Variants in FOXM1 observed in about 807,000 individuals in gnomAD.
FOXM1 encodes the protein forkhead box M1.
A neutral mutation model predicts 63.6 loss-of-function variants in FOXM1; 25 were observed. That is an observed-to-expected ratio of 0.39 (90% CI 0.29 to 0.55). The LOEUF is 0.55. Among genes scored for constraint, FOXM1 ranks in the 20% least tolerant of loss-of-function variants. The pLI, the probability that FOXM1 is intolerant of heterozygous loss-of-function variation, is 0.60. For missense variants in FOXM1, 879 were observed against 958.7 expected, an observed-to-expected ratio of 0.92 and a Z score of 1.10; for synonymous variants, 387 against 376.9, an observed-to-expected ratio of 1.03 and a Z score of -0.31.
chr12:2,861,221 G>A (rs906065799), intron 8 of FOXM1: 2 of 645,498 alleles, frequency 3.1e-6, no homozygotes, highest in African/African-American at 2.0e-5. Flanking sequence ...ATATAAAAAT[G>A]GGCAATGTTC....
chr12:2,876,128 G>A (rs1292500254), intron 1 of FOXM1: 2 of 152,036 alleles, frequency 1.3e-5, no homozygotes, highest in African/African-American at 4.8e-5. Context: ...TCTATTTCAC[G>A]GAACTTTGGA....
Position 2,874,256 on chromosome 12 carries a change from C to T in FOXM1, c.223G>A (p.Val75Ile), listed in dbSNP as rs770962742. 6.2e-7 allele frequency: 1 copy of T among 1,614,196 alleles called. No individual in the cohort carries two copies. The highest frequency in any genetic ancestry group is 8.5e-7 in the Non-Finnish European group (1 of 1,180,040). Residue 75 changes from valine (V) to isoleucine (I), a missense_variant, in exon 2 of 9, where the codon GTA (valine) becomes ATA (isoleucine). By Grantham distance (29) the Val-to-Ile change is conservative. This residue lies in a region of FOXM1 where 255 missense variants were observed against 292.4 expected (regional missense o/e 0.87). Coordinates refer to ENST00000359843, the MANE Select transcript of FOXM1 (RefSeq NM_021953.4). The surrounding 1 kb of genome is among the most constrained non-coding windows in gnomAD (Gnocchi z 4.3). Reference protein sequence around the residue: ...INHPTMPNTQVVAIPNNANIH... With the variant: ...INHPTMPNTQIVAIPNNANIH... ...TTAGCATTGTTGGGGATGGCCACTA[C>T]TTGCGTGTTGGGCATGGTGGGGTGG...
intron 3 of FOXM1, 90 bp from the exon 4 acceptor site, chr12:2,868,844 A>C: frequency 5.9e-6 from 6 of 1,012,016 alleles, no homozygotes; most frequent in Non-Finnish European, 8.8e-6. Context: ...AGAAACCTTT[A>C]TCCCATAGGA....
At position 2,859,296 on chromosome 12, in the gene FOXM1, C is replaced by T. The variant is rs774714024; in HGVS notation, c.1634G>A (p.Arg545Gln). 10 of 1,613,296 alleles carry T rather than the reference C, an allele frequency of 6.2e-6. No homozygotes were observed. Among genetic ancestry groups the T allele is most frequent in the Admixed American group, 3.3e-5 (2 of 59,970 alleles). ...GGGAGGCAGTAGATGCTGTTTTCTCCGAGACCGGCTCCTCTCCCTCCTCTC... is the reference window on the plus strand; with the variant it reads ...GGGAGGCAGTAGATGCTGTTTTCTCTGAGACCGGCTCCTCTCCCTCCTCTC... The part of the protein sequence containing the change: ...HRERRERSRS[R>Q]RKQHLLPPCV... Residue 545 changes from arginine (R) to glutamine (Q), a missense_variant, in exon 9 of 9, where the codon CGG becomes CAG. Transcript: ENST00000359843.
rs745615216 is a variant in FOXM1, at chr12:2,861,335, G to T, written c.1267-1672C>A. ...GAAAGATAAAATTAAACAAGCTGGT[G>T]ATGGGTGTACCAAAATCTCGCAGAT... On this transcript the variant is annotated intron_variant, in intron 8 of 8. Transcript: ENST00000359843. 4.0e-6 allele frequency: 3 copies of T among 741,902 alleles called. No individual in the cohort carries two copies. In the South Asian group the frequency reaches 4.5e-5, roughly 11 times the overall value. The allele number at this position is 741,902 out of a possible 1,614,324, so 46.0% of individuals were successfully genotyped here.
Position 2,866,435 on chromosome 12 carries a change from G to T in FOXM1, c.933C>A (p.His311Gln), listed in dbSNP as rs1356715142. Residue 311 changes from histidine to glutamine, a missense_variant, in exon 5 of 9, where the codon CAC (histidine) becomes CAA (glutamine). This residue lies in a region of FOXM1 where 62 missense variants were observed against 118.2 expected (regional missense o/e 0.52). Coordinates refer to ENST00000359843, the MANE Select transcript of FOXM1 (RefSeq NM_021953.4). ...ANGKVSFWTI[H>Q]PSANRYLTLD... Reference sequence around the variant, plus strand: ...ATGTCAAGTAGCGGTTGGCACTGGGGTGAATGGTCCAGAAGGAGACCTTGC... The same window carrying T: ...ATGTCAAGTAGCGGTTGGCACTGGGTTGAATGGTCCAGAAGGAGACCTTGC... 2.6e-6 allele frequency: 4 copies of T among 1,560,366 alleles called. No individual in the cohort carries two copies. The highest frequency in any genetic ancestry group is 1.7e-4 in the Middle Eastern group (1 of 5,910).
chr12:2,875,786 G>C (rs370853843), intron 1 of FOXM1, among the ~76,000 whole-genome samples: 1 of 141,836 alleles, frequency 7.1e-6, no homozygotes, highest in Non-Finnish European at 1.5e-5. Flanking sequence ...TTGAGACGGA[G>C]CTTCGCTCTT....
rs142381051 is a variant in FOXM1, at chr12:2,866,247, G to C, written c.975+146C>G. 1,060 of 703,424 alleles carry C rather than the reference G, an allele frequency of 1.5e-3. 22 individuals are homozygous for C. In the East Asian group the frequency reaches 0.03, roughly 20 times the overall value. The allele number at this position is 703,424 out of a possible 1,614,324, so 43.6% of individuals were successfully genotyped here. The stretch of plus-strand genomic sequence containing the variant: ...TTTGTCAAGTGTACTTAATTCACTG[G>C]GTTTTGTGCAAGTCACTAATTGGGT... On this transcript the variant is annotated intron_variant, in intron 5 of 8. Transcript: ENST00000359843.
chr12:2,875,199 C>G (rs7969183), intron 1 of FOXM1, among the ~76,000 whole-genome samples: 27,282 of 151,934 alleles, frequency 0.18, 2,457 homozygotes, highest in South Asian at 0.26. Context: ...CACCATGTTG[C>G]TCAGGCTGGT....
chr12:2,875,398 C>G (rs140293561), intron 1 of FOXM1, among the ~76,000 whole-genome samples: 2 of 152,180 alleles, frequency 1.3e-5, no homozygotes, highest in Non-Finnish European at 2.9e-5. Flanking sequence ...AATCATCTCC[C>G]AGTTTACAAA....
At position 2,858,685 on chromosome 12, in the gene FOXM1, C is replaced by A; in HGVS notation, c.2245G>T (p.Gly749Cys). 6.2e-7 allele frequency: 1 copy of A among 1,614,148 alleles called. No homozygotes were observed. Among genetic ancestry groups the A allele is most frequent in the South Asian group, 1.1e-5 (1 of 91,080 alleles). ...TGGGACCAGTTGATGTTGTCAGGGC[C>A]CAGTGGGTCCTCGTCCAGGCCAGGA... ...SFPGLDEDPL[G>C]PDNINWSQFI... is the part of the protein sequence containing the mutation. The change falls in exon 9 of 9, where the codon GGC becomes TGC. Residue 749 changes from glycine to cysteine, a missense_variant. This residue lies in a region of FOXM1 where 486 missense variants were observed against 453.5 expected (regional missense o/e 1.07). Coordinates refer to ENST00000359843, the MANE Select transcript of FOXM1 (RefSeq NM_021953.4).
rs1406107190 is a variant in FOXM1, at chr12:2,859,642, T to C, written c.1288A>G (p.Ile430Val). ...APKVLLAEEG[I>V]APLSSAGPGK... ...GGTCCTGCAGAAGAAAGAGGAGCTA[T>C]CCCCTCCTCAGCTAGCAGCACCTGA... The change falls in exon 9 of 9, where the codon ATA (isoleucine) becomes GTA (valine). Residue 430 changes from isoleucine to valine, a missense_variant. Transcript: ENST00000359843. The C allele has an allele frequency of 6.2e-7, 1 of 1,609,232 alleles. No individual in the cohort carries two copies. The highest frequency in any genetic ancestry group is 1.1e-5 in the South Asian group (1 of 90,600).
In FOXM1 at chr12:2,874,083, T is replaced by G. The variant is rs1435268890; in HGVS notation, c.396A>C (p.Lys132Asn). The G allele has an allele frequency of 4.3e-6, 7 of 1,614,138 alleles. No individual in the cohort carries two copies. Among genetic ancestry groups the G allele is most frequent in the Non-Finnish European group, 5.9e-6 (7 of 1,180,034 alleles). The stretch of plus-strand genomic sequence containing the variant: ...AGGTCTCCAGGGTCACTTCTGTCCT[T>G]TTGGCATCATAGCTGGTTTGGGTTT... ...RPQTQTSYDA[K>N]RTEVTLETLG... Residue 132 changes from lysine to asparagine, a missense_variant, in exon 2 of 9, where the codon AAA becomes AAC. This residue lies in a region of FOXM1 where 255 missense variants were observed against 292.4 expected (regional missense o/e 0.87). Coordinates refer to ENST00000359843, the MANE Select transcript of FOXM1 (RefSeq NM_021953.4). This position sits in a 1 kb window ranked among gnomAD's most constrained non-coding sequence, Gnocchi z 4.3.
chr12:2,858,646 G>C lies in FOXM1; in HGVS notation c.2284C>G (p.Leu762Val). The change falls in exon 9 of 9, where the codon CTA (leucine) becomes GTA (valine). Residue 762 changes from leucine to valine, a missense_variant. Transcript: ENST00000359843. ...GGGGCAAGGGCAGGGCTCTACTGTAGCTCAGGAATAAACTGGGACCAGTTG... is the reference window on the plus strand; with the variant it reads ...GGGGCAAGGGCAGGGCTCTACTGTACCTCAGGAATAAACTGGGACCAGTTG... ...NINWSQFIPE[L>V]Q 1 of 1,613,734 alleles carries C rather than the reference G, an allele frequency of 6.2e-7. No individual in the cohort carries two copies. The highest frequency in any genetic ancestry group is 8.5e-7 in the Non-Finnish European group (1 of 1,179,810).
chr12:2,864,646 C>G lies in FOXM1; in HGVS notation c.1090+37G>C. 1.2e-6 allele frequency: 2 copies of G among 1,610,042 alleles called. No homozygotes were observed. ...GTTCCCTAAAGATATGGCCCCAGAACAAGGACCAGGCCCAAGGCCCACTCT... is the reference window on the plus strand; with the variant it reads ...GTTCCCTAAAGATATGGCCCCAGAAGAAGGACCAGGCCCAAGGCCCACTCT... On this transcript the variant is annotated intron_variant, in intron 7 of 8. Coordinates refer to ENST00000359843, the MANE Select transcript of FOXM1 (RefSeq NM_021953.4). The surrounding 1 kb of genome is among the most constrained non-coding windows in gnomAD (Gnocchi z 5.1).
intron 8 of FOXM1, 179 bp from the exon 9 acceptor site, chr12:2,859,842 T>A: frequency 1.7e-6 from 1 of 591,622 alleles, no homozygotes; most frequent in Non-Finnish European, 3.0e-6. Flanking sequence ...TGCGGGTATG[T>A]AGTATGTAGT....
Position 2,864,185 on chromosome 12 carries a change from C to T in FOXM1, c.1266+135G>A. On this transcript the variant is annotated intron_variant, in intron 8 of 8. Transcript: ENST00000359843. This position sits in a 1 kb window ranked among gnomAD's most constrained non-coding sequence, Gnocchi z 5.1. ...GCTCTTCTAATGCTATTACACTTCC[C>T]TATGTTTTTATGCCTTTTCTACCCA... is the stretch of plus-strand genomic sequence containing the variant. 1 of 775,856 alleles carries T rather than the reference C, an allele frequency of 1.3e-6. No individual in the cohort carries two copies. Among genetic ancestry groups the T allele is most frequent in the Non-Finnish European group, 2.1e-6 (1 of 473,716 alleles). The allele number at this position is 775,856 out of a possible 1,614,324, so 48.1% of individuals were successfully genotyped here. A position where few individuals can be genotyped will look rare whatever the true frequency, so the allele number is the denominator to read the frequency against.
Position 2,858,442 on chromosome 12 carries a change from A to C in FOXM1, c.*196T>G. 1 of 556,740 alleles carries C rather than the reference A, an allele frequency of 1.8e-6. No individual in the cohort carries two copies. Among genetic ancestry groups the C allele is most frequent in the Non-Finnish European group, 3.2e-6 (1 of 314,014 alleles). 34.5% of individuals were successfully genotyped at this position (556,740 alleles called of 1,614,324 possible). A position where few individuals can be genotyped will look rare whatever the true frequency, so the allele number is the denominator to read the frequency against. Reference sequence around the variant, plus strand: ...AGCTCCTGGCAGGGACAGCAGAGGAATCAGATACTCTTGGGGAACACAAGG... The same window carrying C: ...AGCTCCTGGCAGGGACAGCAGAGGACTCAGATACTCTTGGGGAACACAAGG... On this transcript the variant is annotated 3_prime_UTR_variant, in exon 9 of 9. Transcript: ENST00000359843.
intron 1 of FOXM1, chr12:2,876,220 C>G (rs927419918): frequency 6.6e-6 from 1 of 152,174 alleles, no homozygotes; most frequent in Admixed American, 6.6e-5. Context: ...CATTTGTCAT[C>G]TGCATAGAGT....
Sources: gnomAD v4.1 joint callset for allele counts (sites outside exome capture counted in the v4.1 genomes callset) on GRCh38, gnomAD v4.1.1 for gene constraint, gnomAD v4.1.1 regional missense constraint, Gnocchi (gnomAD v3.1) non-coding constraint, MANE v1.5 for transcripts, NCBI Gene and HGNC (gene_info 2026-07-23, HGNC 2026-07-21) for gene names.